ARHGAP26: variants seen among roughly 807,000 people sequenced by gnomAD.
The protein encoded by ARHGAP26 is rho GTPase-activating protein 26.
In ARHGAP26, 38 loss-of-function variants were observed where a neutral mutation model predicts 104.8. That is an observed-to-expected ratio of 0.36 (90% confidence interval 0.28 to 0.48). The LOEUF (loss-of-function observed/expected upper bound fraction) is 0.48. ARHGAP26 is among the 20% of genes least tolerant of loss of function. ARHGAP26 has a pLI of 0.99. For missense variants in ARHGAP26, 704 were observed against 947.9 expected (o/e 0.74, Z 3.38); for synonymous variants, 341 against 340.0 (o/e 1.00, Z -0.03).
chr5:142,959,828 A>G (rs1769913979), intron 11 of ARHGAP26, among the ~76,000 whole-genome samples: 1 of 152,230 alleles, frequency 6.6e-6, no homozygotes, highest in Non-Finnish European at 1.5e-5. Flanking sequence ...ACAGGAGGGA[A>G]ACCTCAGGGG....
At chr5:142,944,333 C>T (rs566743485) in intron 11 of ARHGAP26, among the ~76,000 whole-genome samples, 4 of 152,182 alleles carry the variant, frequency 2.6e-5, no homozygotes, top group Non-Finnish European at 2.9e-5. Context: ...TTATGAACAA[C>T]GGCTTGGAAA....
chr5:143,187,563 G>A (rs528676244), intron 20 of ARHGAP26, among the ~76,000 whole-genome samples: 59 of 152,308 alleles, frequency 3.9e-4, no homozygotes, highest in Admixed American at 1.9e-3. Flanking sequence ...TGAGCCATCC[G>A]CCCTGTGGAA....
chr5:143,014,251 C>T, intron 12 of ARHGAP26, 135 bp downstream of exon 12: 1 of 907,744 alleles, frequency 1.1e-6, no homozygotes, highest in Middle Eastern at 2.4e-4. Flanking sequence ...TGCAGTGGGA[C>T]ATGCCTCCAC....
chr5:143,126,736 G>A (rs1478709655), intron 18 of ARHGAP26, among the ~76,000 whole-genome samples: 1 of 152,198 alleles, frequency 6.6e-6, no homozygotes, highest in Non-Finnish European at 1.5e-5. Context: ...GAGAACTAAA[G>A]AGTAGATTTG....
At chr5:142,946,924 T>A (rs948972586) in intron 11 of ARHGAP26, 1 of 151,930 alleles carries the variant, frequency 6.6e-6, no homozygotes, top group Non-Finnish European at 1.5e-5. Flanking sequence ...TTTTGGTTAT[T>A]TGGAAAATAG....
At chr5:142,876,689 A>T (rs1368488532) in intron 3 of ARHGAP26, among the ~76,000 whole-genome samples, 1 of 142,808 alleles carries the variant, frequency 7.0e-6, no homozygotes, top group African/African-American at 2.6e-5. Flanking sequence ...AGGGAGGAGG[A>T]TCGCTTGTGC....
chr5:143,209,631 A>G (rs1809118411), intron 21 of ARHGAP26, among the ~76,000 whole-genome samples: 2 of 152,116 alleles, frequency 1.3e-5, no homozygotes, highest in South Asian at 4.1e-4. Flanking sequence ...AAATACAAAA[A>G]TTAGCCAGGC....
At chr5:142,924,544 G>C (rs945999135) in intron 10 of ARHGAP26, among the ~76,000 whole-genome samples, 5 of 152,246 alleles carry the variant, frequency 3.3e-5, no homozygotes, top group Non-Finnish European at 7.3e-5. Context: ...TAGCACAGTG[G>C]TTAGCACATA....
At chr5:142,778,893 A>G (rs1441812668) in intron 1 of ARHGAP26, among the ~76,000 whole-genome samples, 1 of 152,182 alleles carries the variant, frequency 6.6e-6, no homozygotes, top group African/African-American at 2.4e-5. Context: ...CATCCTTAAC[A>G]GACCCTTCTG....
At chr5:143,086,663 T>G (rs930449589) in intron 17 of ARHGAP26, among the ~76,000 whole-genome samples, 2 of 152,254 alleles carry the variant, frequency 1.3e-5, no homozygotes, top group South Asian at 4.1e-4. Flanking sequence ...TGAGCCAGTC[T>G]GCCTTGTATT....
chr5:143,120,876 G>A, intron 17 of ARHGAP26, 112 bp from the exon 18 acceptor site: 1 of 1,061,782 alleles, frequency 9.4e-7, no homozygotes, highest in East Asian at 2.6e-5. Flanking sequence ...CCAAGTTCTG[G>A]CTCCTACAGA....
intron 11 of ARHGAP26, chr5:142,947,202 T>C (rs1285281357): frequency 1.3e-5 from 2 of 150,992 alleles, no homozygotes; most frequent in Non-Finnish European, 2.9e-5. Context: ...CAATTAACCA[T>C]TGCTAGTTAG....
chr5:143,094,763 A>T (rs970524540), intron 17 of ARHGAP26, among the ~76,000 whole-genome samples: 16 of 152,102 alleles, frequency 1.1e-4, no homozygotes, highest in African/African-American at 3.9e-4. Flanking sequence ...GGCTAATTTA[A>T]AGAGAGTGAT....
At chr5:143,211,131 T>C (rs981632922) in intron 21 of ARHGAP26, among the ~76,000 whole-genome samples, 3 of 152,226 alleles carry the variant, frequency 2.0e-5, no homozygotes, top group Non-Finnish European at 4.4e-5. Flanking sequence ...TATGGGACAC[T>C]TGACTTGTTG....
At chr5:143,164,699 A>G (rs1801696770) in intron 20 of ARHGAP26, among the ~76,000 whole-genome samples, 2 of 152,198 alleles carry the variant, frequency 1.3e-5, no homozygotes, top group African/African-American at 2.4e-5. Context: ...CTAGCTCTGA[A>G]TTGGAGCATA....
chr5:143,009,639 TGATAA>T (rs781217355), intron 11 of ARHGAP26, among the ~76,000 whole-genome samples: 33 of 152,224 alleles, frequency 2.2e-4, no homozygotes, highest in Non-Finnish European at 4.4e-4. Context: ...AGATGGACCG[TGATAA>T]GATAAAGTAA....
intron 12 of ARHGAP26, among the ~76,000 whole-genome samples, chr5:143,032,057 T>G (rs542158323): frequency 2.6e-5 from 4 of 152,338 alleles, no homozygotes; most frequent in African/African-American, 9.6e-5. Context: ...TCACGTGTTC[T>G]CTAGAGAACT....
At chr5:142,852,118 G>A (rs763696929) in intron 1 of ARHGAP26, among the ~76,000 whole-genome samples, 3 of 152,242 alleles carry the variant, frequency 2.0e-5, no homozygotes, top group Non-Finnish European at 2.9e-5. Context: ...GAAGAGGCAA[G>A]TAATGCTGTG....
At chr5:142,914,593 C>T (rs554390644) in intron 10 of ARHGAP26, among the ~76,000 whole-genome samples, 2 of 152,276 alleles carry the variant, frequency 1.3e-5, no homozygotes, top group Middle Eastern at 3.4e-3. Context: ...GCTTATCCTG[C>T]GTGCTCCTCA....
Sources: allele counts gnomAD v4.1 joint callset (sites outside exome capture counted in the v4.1 genomes callset), GRCh38; gene constraint gnomAD v4.1.1; transcripts MANE v1.5; gene names NCBI Gene and HGNC (gene_info 2026-07-23, HGNC 2026-07-21).